AGBL1: variants seen among roughly 807,000 people sequenced by gnomAD.
AGBL1 encodes the protein AGBL carboxypeptidase 1.
Under a neutral mutation model 118.9 loss-of-function variants are expected in AGBL1, and 130 were observed. The ratio of observed to expected loss-of-function variants is 1.09; its 90% CI spans 0.95 to 1.26. The LOEUF (loss-of-function observed/expected upper bound fraction) is 1.26, where lower values mean the gene tolerates loss of function less well. Among genes scored for constraint, AGBL1 ranks in the 50% most tolerant of loss-of-function variants. The pLI is 0.00. For synonymous variants in AGBL1, 555 were observed against 478.9 expected (o/e 1.16, Z -2.08); for missense variants, 1,584 against 1,298.1 (o/e 1.22, Z -3.38).
chr15:86,487,888 C>T (rs909940029), intron 18 of AGBL1, among the ~76,000 whole-genome samples: 6 of 152,110 alleles, frequency 3.9e-5, no homozygotes, highest in Non-Finnish European at 8.8e-5. Flanking sequence ...TGAGAGAACA[C>T]TGGTCTGCAG....
chr15:87,014,237 C>G (rs1020050792), intron 24 of AGBL1, among the ~76,000 whole-genome samples: 5 of 151,670 alleles, frequency 3.3e-5, no homozygotes, highest in African/African-American at 1.2e-4. Flanking sequence ...ATATATATGT[C>G]TAATGTTTTC....
intron 5 of AGBL1, among the ~76,000 whole-genome samples, chr15:86,185,841 C>T (rs1197904784): frequency 6.6e-6 from 1 of 152,038 alleles, no homozygotes; most frequent in East Asian, 1.9e-4. Context: ...ACCAACATGG[C>T]ACATGTATAC....
intron 18 of AGBL1, among the ~76,000 whole-genome samples, chr15:86,479,237 C>A (rs1192743046): frequency 6.6e-6 from 1 of 152,130 alleles, no homozygotes; most frequent in Admixed American, 6.6e-5. Flanking sequence ...CAAATGAGAT[C>A]TAATTAAACT....
In AGBL1 at chr15:86,507,103, C is replaced by T. The variant is rs555758117; in HGVS notation, c.2556-15707C>T. On this transcript the variant is annotated intron_variant, in intron 18 of 22. Coordinates refer to ENST00000614907, the MANE Select transcript of AGBL1 (RefSeq NM_001386094.1). ...AAAAATGACTCCCTAAATAAAAAGA[C>T]GCAGCCAAGCTACTAATGATAAAGC... Among the ~76,000 whole-genome samples the T allele has an allele frequency of 2.1e-4, 32 of 151,930 alleles. 1 individual carries two copies. The highest frequency in any genetic ancestry group is 9.7e-5 in the African/African-American group (4 of 41,388).
intron 22 of AGBL1, among the ~76,000 whole-genome samples, chr15:86,872,065 C>T (rs1255107593): frequency 6.6e-6 from 1 of 152,154 alleles, no homozygotes; most frequent in Non-Finnish European, 1.5e-5. Flanking sequence ...AAATTCCTAT[C>T]GATCAACAGA....
At chr15:86,514,031 T>A (rs1048398419) in intron 18 of AGBL1, among the ~76,000 whole-genome samples, 1 of 152,048 alleles carries the variant, frequency 6.6e-6, no homozygotes, top group Admixed American at 6.6e-5. Flanking sequence ...AATAATGGTA[T>A]TTAGAAACTG....
intron 21 of AGBL1, among the ~76,000 whole-genome samples, chr15:86,593,882 G>A (rs544760497): frequency 2.0e-5 from 3 of 150,882 alleles, no homozygotes; most frequent in South Asian, 2.1e-4. Context: ...GCTTCTTCTT[G>A]ATGTTTTTGA....
chr15:86,602,726 T>G (rs2084515501), intron 21 of AGBL1, among the ~76,000 whole-genome samples: 1 of 152,180 alleles, frequency 6.6e-6, no homozygotes, highest in African/African-American at 2.4e-5. Flanking sequence ...AGATCAGGAC[T>G]TAACTAGGGA....
At chr15:86,584,266 A>G (rs1411154837) in intron 21 of AGBL1, among the ~76,000 whole-genome samples, 1 of 152,144 alleles carries the variant, frequency 6.6e-6, no homozygotes, top group Non-Finnish European at 1.5e-5. Flanking sequence ...CCCAAGGTCA[A>G]TGTCCAGAAT....
chr15:86,107,834 G>A (rs1332549790), intron 1 of AGBL1, among the ~76,000 whole-genome samples: 2 of 152,216 alleles, frequency 1.3e-5, no homozygotes, highest in Non-Finnish European at 2.9e-5. Context: ...CAGACTGGCT[G>A]CTATTTTGCC....
intron 22 of AGBL1, among the ~76,000 whole-genome samples, chr15:86,782,123 A>G (rs1266645007): frequency 1.3e-5 from 2 of 152,122 alleles, no homozygotes; most frequent in Non-Finnish European, 2.9e-5. Flanking sequence ...CAATCTAGGA[A>G]TCAAAAATTA....
intron 22 of AGBL1, among the ~76,000 whole-genome samples, chr15:86,754,563 C>T (rs1167638732): frequency 1.3e-5 from 2 of 151,960 alleles, no homozygotes; most frequent in East Asian, 3.9e-4. Flanking sequence ...GGCTCCTGAT[C>T]CCATTAATCC....
At chr15:86,506,825 G>A (rs1364083611) in intron 18 of AGBL1, among the ~76,000 whole-genome samples, 1 of 152,034 alleles carries the variant, frequency 6.6e-6, no homozygotes, top group African/African-American at 2.4e-5. Context: ...ATTTCCTCAA[G>A]ATTTATTTGA....
chr15:86,301,998 T>A (rs2079754490), intron 17 of AGBL1, among the ~76,000 whole-genome samples: 1 of 152,176 alleles, frequency 6.6e-6, no homozygotes, highest in Admixed American at 6.5e-5. Flanking sequence ...TTTTTCTCAC[T>A]GTTGTTGATC....
intron 22 of AGBL1, among the ~76,000 whole-genome samples, chr15:86,838,963 A>AAG (rs1555455667): frequency 3.3e-5 from 5 of 150,392 alleles, no homozygotes; most frequent in Admixed American, 6.6e-5. Flanking sequence ...AAAAAAAAAA[A>AAG]AAAGAAAGAA....
chr15:86,178,605 A>C (rs903574107), intron 5 of AGBL1, among the ~76,000 whole-genome samples: 1 of 152,210 alleles, frequency 6.6e-6, no homozygotes. Flanking sequence ...TTATCCCCAC[A>C]AAGAAAAGTC....
intron 22 of AGBL1, among the ~76,000 whole-genome samples, chr15:86,809,465 G>A (rs1298471940): frequency 6.6e-6 from 1 of 152,046 alleles, no homozygotes; most frequent in Non-Finnish European, 1.5e-5. Flanking sequence ...CTATCAAACT[G>A]TGTCTGGTAT....
At chr15:86,554,970 C>T (rs114158409) in intron 21 of AGBL1, among the ~76,000 whole-genome samples, 287 of 152,266 alleles carry the variant, frequency 1.9e-3, no homozygotes, top group African/African-American at 6.4e-3. Flanking sequence ...CCATCTTCTG[C>T]GTCAATCTAA....
chr15:86,391,388 T>C (rs901935899), intron 17 of AGBL1, among the ~76,000 whole-genome samples: 2 of 151,984 alleles, frequency 1.3e-5, no homozygotes, highest in African/African-American at 4.8e-5. Flanking sequence ...TCTCATTTTA[T>C]TTTTTTTCTC....
Sources: gnomAD v4.1 joint callset for allele counts (sites outside exome capture counted in the v4.1 genomes callset) on GRCh38, gnomAD v4.1.1 for gene constraint, MANE v1.5 for transcripts, NCBI Gene and HGNC (gene_info 2026-07-23, HGNC 2026-07-21) for gene names.